Variants in HTT observed in about 807,000 individuals in gnomAD.
HTT encodes the protein huntington disease protein.
In HTT, 104 loss-of-function variants were observed where a neutral mutation model predicts 362.3. The ratio of observed to expected loss-of-function variants is 0.29; its 90% CI spans 0.24 to 0.34. The LOEUF (loss-of-function observed/expected upper bound fraction) is 0.34, where lower values mean the gene tolerates loss of function less well. Among genes scored for constraint, HTT ranks in the 10% least tolerant of loss-of-function variants. HTT has a pLI of 1.00. For synonymous variants in HTT, 1,577 were observed against 1,548.7 expected (o/e 1.02, Z -0.43); for missense variants, 3,301 against 3,928.6 (o/e 0.84, Z 4.27).
chr4:3,230,077 A>G (rs147438853), intron 60 of HTT, 35 bp downstream of exon 60: 32,371 of 1,592,006 alleles, frequency 0.02, 958 homozygotes, highest in South Asian at 0.12. Context: ...TTCTGTGCTG[A>G]AGCCACGGGG....
chr4:3,085,958 A>G (rs886579229), intron 1 of HTT, among the ~76,000 whole-genome samples: 5 of 152,130 alleles, frequency 3.3e-5, no homozygotes, highest in East Asian at 1.9e-4. Flanking sequence ...GCTTATTCCC[A>G]GCTATTTGGG....
intron 23 of HTT, among the ~76,000 whole-genome samples, chr4:3,144,729 T>G (rs568084092): frequency 6.6e-6 from 1 of 152,346 alleles, no homozygotes; most frequent in South Asian, 2.1e-4. Context: ...TATCGTAAAC[T>G]TTGCTTATTT....
chr4:3,116,720 C>T (rs16843857), intron 8 of HTT, among the ~76,000 whole-genome samples: 8,664 of 152,182 alleles, frequency 0.057, 423 homozygotes, highest in African/African-American at 0.13. Context: ...GGGACGTGGT[C>T]GTTTGGGGTG....
At chr4:3,089,779 AT>A in intron 2 of HTT, among the ~76,000 whole-genome samples, 1 of 152,350 alleles carries the variant, frequency 6.6e-6, no homozygotes, top group South Asian at 2.1e-4. Context: ...ATATTCATAT[AT>A]TAGTAAAGTA....
chr4:3,219,699 C>T (rs930246363), intron 52 of HTT, among the ~76,000 whole-genome samples: 1 of 152,198 alleles, frequency 6.6e-6, no homozygotes, highest in Non-Finnish European at 1.5e-5. Context: ...TCAAGCCTGC[C>T]TCTGGATTCT....
intron 21 of HTT, among the ~76,000 whole-genome samples, chr4:3,139,228 C>T (rs1478197865): frequency 2.0e-5 from 3 of 152,188 alleles, no homozygotes; most frequent in East Asian, 1.9e-4. Context: ...GACAGAGTCT[C>T]GCTCTGTCAC....
rs1578475202 is a variant in HTT, at chr4:3,074,924, GCA to G, written c.100_101del (p.Gln34AlafsTer48). On this transcript the variant is annotated frameshift_variant, in exon 1 of 67. Coordinates refer to ENST00000355072, the MANE Select transcript of HTT (RefSeq NM_001388492.1). LOFTEE classifies it high-confidence loss of function. Reference sequence around the variant, plus strand: ...AGCAGCAGCAGCAGCAGCAGCAGCAGCAGCAGCAGCAACAGCCGCCACCGCCG... The same window carrying G: ...AGCAGCAGCAGCAGCAGCAGCAGCAGGCAGCAGCAACAGCCGCCACCGCCG... ...QQQQQQQQQQQQQQQPPPPPP... is the reference protein window; with the variant it reads ...QQQQQQQQQQXQQQQPPPPPP... The G allele has an allele frequency of 3.1e-5, 40 of 1,303,466 alleles. No homozygotes were observed. In the East Asian group the frequency reaches 1.1e-3, roughly 37 times the overall value. 80.7% of individuals were successfully genotyped at this position (1,303,466 alleles called of 1,614,324 possible).
chr4:3,134,554 A>G lies in HTT; in HGVS notation c.2633+14A>G. ...GATTGACTTCAGGTAAGTGAGTCACATCCATTAGATTTCATGAACTAAGCT... is the reference window on the plus strand; with the variant it reads ...GATTGACTTCAGGTAAGTGAGTCACGTCCATTAGATTTCATGAACTAAGCT... On this transcript the variant is annotated intron_variant, in intron 19 of 66. Coordinates refer to ENST00000355072, the MANE Select transcript of HTT (RefSeq NM_001388492.1). The G allele has an allele frequency of 1.2e-6, 2 of 1,607,144 alleles. No individual in the cohort carries two copies. Among genetic ancestry groups the G allele is most frequent in the Non-Finnish European group, 1.7e-6 (2 of 1,176,392 alleles).
chr4:3,209,748 T>G, intron 46 of HTT, 79 bp from the exon 47 acceptor site: 2 of 1,571,450 alleles, frequency 1.3e-6, no homozygotes, highest in Non-Finnish European at 1.7e-6. Context: ...AGCACTGGCC[T>G]AGGCCTGTAG....
At chr4:3,079,632 C>T (rs1712781355) in intron 1 of HTT, among the ~76,000 whole-genome samples, 1 of 152,050 alleles carries the variant, frequency 6.6e-6, no homozygotes. Context: ...CATATCAGAC[C>T]AATACTACTT....
chr4:3,102,602 A>G (rs1047207388), intron 3 of HTT, among the ~76,000 whole-genome samples: 1 of 152,172 alleles, frequency 6.6e-6, no homozygotes, highest in African/African-American at 2.4e-5. Context: ...TGCTGACCCA[A>G]TAGGTTAACC....
At position 3,099,380 on chromosome 4, in the gene HTT, A is replaced by C; in HGVS notation, c.454A>C (p.Asn152His). The change falls in exon 3 of 67, where the codon AAC becomes CAC. Residue 152 changes from asparagine (N) to histidine (H), a missense_variant. Around this residue, in one of 4 missense-constraint regions of HTT, gnomAD observed 2,316 missense variants for 2,658.5 expected, o/e 0.87. Transcript: ENST00000355072. ...DVRMVADECL[N>H]KVIKALMDSN... ...CAGGATGGTGGCTGACGAATGCCTC[A>C]ACAAAGTTATCAAAGTAAGAACCGT... is the stretch of plus-strand genomic sequence containing the variant. The C allele has an allele frequency of 5.6e-6, 9 of 1,614,012 alleles. No homozygotes were observed. Among genetic ancestry groups the C allele is most frequent in the Non-Finnish European group, 7.6e-6 (9 of 1,179,848 alleles).
chr4:3,089,984 A>T (rs57481838), intron 2 of HTT, among the ~76,000 whole-genome samples: 1,619 of 152,276 alleles, frequency 0.011, 39 homozygotes, highest in African/African-American at 0.038. Context: ...GTTTCATAGG[A>T]TACACTCTAT....
intron 2 of HTT, among the ~76,000 whole-genome samples, chr4:3,096,846 C>T (rs934207314): frequency 4.6e-5 from 7 of 152,160 alleles, no homozygotes; most frequent in East Asian, 1.9e-4. Flanking sequence ...GGGCCAGGTA[C>T]GGTGGCTTAT....
intron 33 of HTT, among the ~76,000 whole-genome samples, chr4:3,176,799 A>G (rs1398808932): frequency 6.6e-6 from 1 of 152,220 alleles, no homozygotes; most frequent in East Asian, 1.9e-4. Context: ...GTATGTTTGC[A>G]TTCTGCCCAG....
At chr4:3,230,391 T>C (rs1026569804) in intron 60 of HTT, among the ~76,000 whole-genome samples, 2 of 152,208 alleles carry the variant, frequency 1.3e-5, no homozygotes, top group African/African-American at 4.8e-5. Flanking sequence ...GGCTTCCCCA[T>C]GCTCTGCCCT....
At chr4:3,087,096 T>G in intron 2 of HTT, 74 bp downstream of exon 2, 1 of 758,308 alleles carries the variant, frequency 1.3e-6, no homozygotes, top group Non-Finnish European at 2.2e-6. Context: ...TAGAATATTC[T>G]TTGTGTCCCA....
chr4:3,134,471 C>T lies in HTT; in HGVS notation c.2564C>T (p.Thr855Ile). 6.2e-7 allele frequency: 1 copy of T among 1,613,774 alleles called. No homozygotes were observed. Among genetic ancestry groups the T allele is most frequent in the Non-Finnish European group, 8.5e-7 (1 of 1,179,682 alleles). Residue 855 changes from threonine to isoleucine, a missense_variant, in exon 19 of 67, where the codon ACT (threonine) becomes ATT (isoleucine). Physicochemically the swap from Thr to Ile is moderately conservative, Grantham distance 89. Coordinates refer to ENST00000355072, the MANE Select transcript of HTT (RefSeq NM_001388492.1). ...CTGCAGCTGATCATCGATGTGCTGA[C>T]TCTGAGGAACAGTTCCTATTGGCTG... is the stretch of plus-strand genomic sequence containing the variant. ...LGLQLIIDVL[T>I]LRNSSYWLVR...
chr4:3,122,086 T>G (rs1560556990), intron 9 of HTT, among the ~76,000 whole-genome samples: 1 of 152,106 alleles, frequency 6.6e-6, no homozygotes, highest in Non-Finnish European at 1.5e-5. Context: ...GATCTGAGAG[T>G]TCCTTCCTGG....
Sources: allele counts gnomAD v4.1 joint callset (sites outside exome capture counted in the v4.1 genomes callset), GRCh38; gene constraint gnomAD v4.1.1; regional missense constraint gnomAD v4.1.1; transcripts MANE v1.5; gene names NCBI Gene and HGNC (gene_info 2026-07-23, HGNC 2026-07-21).